NEBL: variants seen among roughly 807,000 people sequenced by gnomAD.
NEBL encodes the protein nebulette.
NEBL carries 122 observed loss-of-function variants against 140.2 expected under a neutral mutation model. The observed-to-expected ratio is 0.87, with a 90% CI of 0.75 to 1.01. The LOEUF is 1.01. NEBL is among the 50% of genes least tolerant of loss of function. The pLI is 0.00. For missense variants in NEBL, 1,365 were observed against 1,231.3 expected (o/e 1.11, Z -1.62); for synonymous variants, 436 against 398.9 (o/e 1.09, Z -1.11).
chr10:20,868,072 G>A (rs1270871285), intron 7 of NEBL: 1 of 138,128 alleles, frequency 7.2e-6, no homozygotes, highest in Non-Finnish European at 1.5e-5. Context: ...AAAAAACGCT[G>A]TTGGAGTCTA....
intron 4 of NEBL, among the ~76,000 whole-genome samples, chr10:20,935,191 G>C (rs372694440): frequency 1.6e-4 from 24 of 152,246 alleles, no homozygotes; most frequent in Admixed American, 1.0e-3. Context: ...AAGTCACCCC[G>C]AGGAAGCATC....
chr10:21,149,483 G>T (rs1840054017), intron 2 of NEBL, among the ~76,000 whole-genome samples: 1 of 152,116 alleles, frequency 6.6e-6, no homozygotes, highest in Non-Finnish European at 1.5e-5. Flanking sequence ...TAGATACGGG[G>T]TTTCACCATG....
At chr10:21,013,617 C>T (rs1838436712) in intron 3 of NEBL, among the ~76,000 whole-genome samples, 1 of 152,222 alleles carries the variant, frequency 6.6e-6, no homozygotes, top group South Asian at 2.1e-4. Context: ...GTGGCTCACG[C>T]CTGTAATCCT....
At chr10:21,021,368 G>A (rs1037077739) in intron 2 of NEBL, among the ~76,000 whole-genome samples, 18 of 152,062 alleles carry the variant, frequency 1.2e-4, no homozygotes, top group South Asian at 2.1e-4. Context: ...ACCTTTCAAC[G>A]GCTTCCAGTT....
In NEBL at chr10:21,001,050, G is replaced by A. The variant is rs75247952; in HGVS notation, c.249+19067C>T. ...TCTGCAGTTCCCTCAGGAAACCAATGCAGGTCCCCATGAGCTTGTATAGAT... is the reference window on the plus strand; with the variant it reads ...TCTGCAGTTCCCTCAGGAAACCAATACAGGTCCCCATGAGCTTGTATAGAT... On this transcript the variant is annotated intron_variant, in intron 3 of 6. Transcript: ENST00000417816. Among the ~76,000 whole-genome samples, 1,370 of 152,236 alleles carry A rather than the reference G, an allele frequency of 9.0e-3. 13 individuals carry two copies. The highest frequency in any genetic ancestry group is 0.031 in the African/African-American group (1,272 of 41,538).
intron 5 of NEBL, among the ~76,000 whole-genome samples, chr10:20,879,582 C>A (rs758776423): frequency 6.6e-6 from 1 of 152,090 alleles, no homozygotes; most frequent in Non-Finnish European, 1.5e-5. Flanking sequence ...TGCCGTTCTG[C>A]GGAAAACACT....
At chr10:21,131,331 A>G (rs1839095194) in intron 2 of NEBL, among the ~76,000 whole-genome samples, 1 of 152,186 alleles carries the variant, frequency 6.6e-6, no homozygotes, top group South Asian at 2.1e-4. Flanking sequence ...AATTATACCA[A>G]TTCTCTACAA....
chr10:20,831,233 A>T lies in NEBL; in HGVS notation c.1634T>A (p.Ile545Asn). The T allele has an allele frequency of 6.2e-7, 1 of 1,613,686 alleles. No individual in the cohort carries two copies. The highest frequency in any genetic ancestry group is 1.1e-5 in the South Asian group (1 of 91,084). Residue 545 changes from isoleucine to asparagine, a missense_variant, in exon 16 of 28, where the codon ATC (isoleucine) becomes AAC (asparagine). By Grantham distance (149) the Ile-to-Asn change is moderately radical. Coordinates refer to ENST00000377122, the MANE Select transcript of NEBL (RefSeq NM_006393.3). ...GMQVSMDIPDILRAKRTSEIY... is the reference protein window; with the variant it reads ...GMQVSMDIPDNLRAKRTSEIY... Reference sequence around the variant, plus strand: ...TTCAGATGTCCTCTTGGCTCGAAGGATATCTGGGATATCCATGCTCACTTG... The same window carrying T: ...TTCAGATGTCCTCTTGGCTCGAAGGTTATCTGGGATATCCATGCTCACTTG...
chr10:21,246,811 G>A (rs1842522881), intron 3 of NEBL, among the ~76,000 whole-genome samples: 1 of 152,116 alleles, frequency 6.6e-6, no homozygotes, highest in African/African-American at 2.4e-5. Context: ...TCCAGCCTGG[G>A]TGACAGAGTG....
At chr10:21,288,366 G>T (rs1384906603) in intron 1 of NEBL, among the ~76,000 whole-genome samples, 1 of 152,130 alleles carries the variant, frequency 6.6e-6, no homozygotes, top group African/African-American at 2.4e-5. Flanking sequence ...TACTTGGGAG[G>T]CTGAGGCAGG....
intron 4 of NEBL, among the ~76,000 whole-genome samples, chr10:20,940,962 A>C (rs938690031): frequency 0.012 from 1,794 of 152,302 alleles, 35 homozygotes; most frequent in African/African-American, 0.04. Flanking sequence ...CCAACCAAAA[A>C]AAGTCCAGGA....
rs1049941979 is a variant in NEBL, at chr10:20,781,928, T to C, written c.*3819A>G. On this transcript the variant is annotated 3_prime_UTR_variant, in exon 28 of 28. Coordinates refer to ENST00000377122, the MANE Select transcript of NEBL (RefSeq NM_006393.3). ...TTTTAGATTATCAGAAGCAAATCGC[T>C]AAGGTATAATTAATTTATGAAGTGA... The C allele has an allele frequency of 1.3e-5, 2 of 152,588 alleles. No homozygotes were observed. Among genetic ancestry groups the C allele is most frequent in the Non-Finnish European group, 2.9e-5 (2 of 68,038 alleles). The allele number at this position is 152,588 out of a possible 1,614,324, so 9.5% of individuals were successfully genotyped here. A position where few individuals can be genotyped will look rare whatever the true frequency, so the allele number is the denominator to read the frequency against.
At chr10:21,279,201 T>G (rs1280119657) in intron 1 of NEBL, among the ~76,000 whole-genome samples, 1 of 152,122 alleles carries the variant, frequency 6.6e-6, no homozygotes, top group Non-Finnish European at 1.5e-5. Flanking sequence ...CTGGCTGCAT[T>G]CCAATAAAAC....
At chr10:20,872,667 A>C (rs1845065498) in intron 5 of NEBL, among the ~76,000 whole-genome samples, 1 of 152,198 alleles carries the variant, frequency 6.6e-6, no homozygotes, top group Non-Finnish European at 1.5e-5. Flanking sequence ...GGCAAAAGAT[A>C]CATGTCATAA....
intron 7 of NEBL, chr10:20,868,417 G>C (rs1844545058): frequency 2.1e-6 from 1 of 479,048 alleles, no homozygotes; most frequent in South Asian, 2.2e-5. Flanking sequence ...CATGGCTAGA[G>C]ACATTGAAAA....
chr10:21,016,557 G>T (rs1383574310), intron 3 of NEBL, among the ~76,000 whole-genome samples: 1 of 152,050 alleles, frequency 6.6e-6, no homozygotes, highest in Non-Finnish European at 1.5e-5. Flanking sequence ...TTTATTTTTG[G>T]CTCACTTGGT....
At chr10:21,120,702 A>C (rs1309833434) in intron 2 of NEBL, among the ~76,000 whole-genome samples, 3 of 145,790 alleles carry the variant, frequency 2.1e-5, no homozygotes, top group Non-Finnish European at 3.0e-5. Flanking sequence ...AAAAAAAAAA[A>C]AACCCAGGAC....
intron 2 of NEBL, among the ~76,000 whole-genome samples, chr10:21,046,344 C>G: frequency 6.6e-6 from 1 of 152,230 alleles, no homozygotes; most frequent in East Asian, 1.9e-4. Flanking sequence ...GTATTTTATA[C>G]TTGAAAATTG....
chr10:21,159,391 G>T (rs1840463572), intron 2 of NEBL, among the ~76,000 whole-genome samples: 1 of 152,108 alleles, frequency 6.6e-6, no homozygotes, highest in African/African-American at 2.4e-5. Flanking sequence ...ACCGTTTGAA[G>T]GTTTTCTTAA....
Sources: gnomAD v4.1 joint callset for allele counts (sites outside exome capture counted in the v4.1 genomes callset) on GRCh38, gnomAD v4.1.1 for gene constraint, MANE v1.5 for transcripts, NCBI Gene and HGNC (gene_info 2026-07-23, HGNC 2026-07-21) for gene names.